The following CDC42BPA variants were observed in gnomAD, a reference collection of about 807,000 sequenced individuals.
The protein encoded by CDC42BPA is serine/threonine-protein kinase MRCK alpha.
CDC42BPA carries 80 observed loss-of-function variants against 223.5 expected under a neutral mutation model. That is an observed-to-expected ratio of 0.36 (90% CI 0.30 to 0.43). CDC42BPA has a LOEUF of 0.43. Among genes scored for constraint, CDC42BPA ranks in the 20% least tolerant of loss-of-function variants. The probability of loss-of-function intolerance (pLI) is 1.00; values close to 1 mark genes in which losing one functional copy is unlikely to be tolerated. For missense variants in CDC42BPA, 1,743 were observed against 2,099.9 expected, an observed-to-expected ratio of 0.83 and a Z score of 3.32; for synonymous variants, 694 against 718.6, an observed-to-expected ratio of 0.97 and a Z score of 0.55.
chr1:227,196,889 A>G (rs894257867), intron 4 of CDC42BPA, among the ~76,000 whole-genome samples: 4 of 152,234 alleles, frequency 2.6e-5, no homozygotes, highest in Admixed American at 1.3e-4. Flanking sequence ...GGTTCATTAT[A>G]TTCTAGTGTT....
chr1:227,144,239 T>C (rs945224190), intron 8 of CDC42BPA, among the ~76,000 whole-genome samples: 2 of 152,120 alleles, frequency 1.3e-5, no homozygotes, highest in African/African-American at 2.4e-5. Flanking sequence ...ATTAAAGCCA[T>C]AGTAAATAAA....
intron 15 of CDC42BPA, among the ~76,000 whole-genome samples, chr1:227,098,521 A>C (rs1302752534): frequency 6.6e-6 from 1 of 152,072 alleles, no homozygotes; most frequent in Admixed American, 6.6e-5. Flanking sequence ...TAACACTCCC[A>C]ATCCCAAACT....
At chr1:227,276,939 G>T (rs1687188699) in intron 1 of CDC42BPA, among the ~76,000 whole-genome samples, 1 of 152,020 alleles carries the variant, frequency 6.6e-6, no homozygotes, top group Non-Finnish European at 1.5e-5. Context: ...AAACACTGCG[G>T]AAGGCCGCAG....
chr1:227,253,259 C>CGA (rs150466644), intron 2 of CDC42BPA, among the ~76,000 whole-genome samples: 24,015 of 116,532 alleles, frequency 0.21, 2,180 homozygotes, highest in East Asian at 0.36. Context: ...AGAGAGAGAG[C>CGA]GAGAGAGAGC....
chr1:227,252,661 G>A (rs572834363), intron 2 of CDC42BPA, among the ~76,000 whole-genome samples: 6 of 152,240 alleles, frequency 3.9e-5, no homozygotes, highest in East Asian at 1.9e-4. Flanking sequence ...CATGAAGTCC[G>A]TTGGTACATA....
intron 5 of CDC42BPA, among the ~76,000 whole-genome samples, chr1:227,163,745 AT>A (rs1446813888): frequency 9.3e-5 from 9 of 96,702 alleles, no homozygotes; most frequent in East Asian, 4.6e-4. Context: ...AAAAAAAAAT[AT>A]ATATATATAT....
chr1:227,238,147 G>A (rs533568324), intron 2 of CDC42BPA, among the ~76,000 whole-genome samples: 3 of 151,258 alleles, frequency 2.0e-5, no homozygotes, highest in South Asian at 2.1e-4. Flanking sequence ...GAGGCCAGGA[G>A]TTCAAGACCA....
At chr1:227,098,378 C>T (rs1413351644) in intron 15 of CDC42BPA, among the ~76,000 whole-genome samples, 1 of 152,172 alleles carries the variant, frequency 6.6e-6, no homozygotes, top group Non-Finnish European at 1.5e-5. Flanking sequence ...GCCCCCAAAT[C>T]CAGGCTGGTC....
At chr1:227,004,913 C>T (rs1558260283) in intron 35 of CDC42BPA, 81 bp downstream of exon 35, 7 of 927,354 alleles carry the variant, frequency 7.5e-6, no homozygotes, top group Non-Finnish European at 1.3e-5. Flanking sequence ...AAGTGAAGGA[C>T]ATGTCACCCA....
At chr1:227,134,776 T>C (rs1256825470) in intron 10 of CDC42BPA, among the ~76,000 whole-genome samples, 2 of 152,126 alleles carry the variant, frequency 1.3e-5, no homozygotes, top group Non-Finnish European at 2.9e-5. Flanking sequence ...CTTTGCTCTG[T>C]GCAAACGATA....
chr1:227,135,458 C>A (rs923457693), intron 10 of CDC42BPA, among the ~76,000 whole-genome samples: 26 of 152,220 alleles, frequency 1.7e-4, no homozygotes, highest in African/African-American at 6.3e-4. Flanking sequence ...CAGAATAAAT[C>A]TCCCATAGTT....
chr1:227,119,210 GAAA>G (rs1463913633), intron 12 of CDC42BPA, among the ~76,000 whole-genome samples: 1 of 152,108 alleles, frequency 6.6e-6, no homozygotes, highest in Non-Finnish European at 1.5e-5. Flanking sequence ...TGTGGTTCAA[GAAA>G]AGTGTTTTCT....
intron 35 of CDC42BPA, among the ~76,000 whole-genome samples, chr1:226,999,400 T>G (rs1301650378): frequency 6.6e-6 from 1 of 152,096 alleles, no homozygotes; most frequent in East Asian, 1.9e-4. Context: ...ATGGTCTCGA[T>G]CTCCTGACCT....
At chr1:227,142,335 G>A (rs1463601287) in intron 9 of CDC42BPA, among the ~76,000 whole-genome samples, 1 of 152,092 alleles carries the variant, frequency 6.6e-6, no homozygotes, top group African/African-American at 2.4e-5. Context: ...GAATTAATGG[G>A]TTGAAAGTTC....
intron 1 of CDC42BPA, among the ~76,000 whole-genome samples, chr1:227,287,427 T>C (rs1688991061): frequency 6.6e-6 from 1 of 152,212 alleles, no homozygotes; most frequent in Admixed American, 6.5e-5. Context: ...TCTACTATCC[T>C]TCTGGAAGTC....
At chr1:227,014,703 G>C (rs531825322) in intron 34 of CDC42BPA, among the ~76,000 whole-genome samples, 1 of 152,108 alleles carries the variant, frequency 6.6e-6, no homozygotes, top group Non-Finnish European at 1.5e-5. Context: ...GATTTCCTTA[G>C]AGAGCAATTT....
At chr1:227,241,353 A>C (rs540535248) in intron 2 of CDC42BPA, among the ~76,000 whole-genome samples, 1 of 152,238 alleles carries the variant, frequency 6.6e-6, no homozygotes, top group Admixed American at 6.5e-5. Flanking sequence ...TATTTACCCA[A>C]AGAAAACAAA....
intron 5 of CDC42BPA, among the ~76,000 whole-genome samples, chr1:227,161,129 T>TA (rs1464648889): frequency 6.6e-6 from 1 of 152,194 alleles, no homozygotes; most frequent in East Asian, 1.9e-4. Flanking sequence ...ACAGAAGAAC[T>TA]AAAACAACTG....
chr1:227,204,356 T>C (rs916687153), intron 3 of CDC42BPA, among the ~76,000 whole-genome samples: 1 of 152,168 alleles, frequency 6.6e-6, no homozygotes, highest in Non-Finnish European at 1.5e-5. Context: ...CATCCGCAAC[T>C]GCCAAGTGTG....
Sources: gnomAD v4.1 joint callset for allele counts (sites outside exome capture counted in the v4.1 genomes callset) on GRCh38, gnomAD v4.1.1 for gene constraint, MANE v1.5 for transcripts, NCBI Gene and HGNC (gene_info 2026-07-23, HGNC 2026-07-21) for gene names.